CADPS2: variants seen among roughly 807,000 people sequenced by gnomAD.
The protein encoded by CADPS2 is calcium-dependent secretion activator 2.
CADPS2 carries 93 observed loss-of-function variants against 172.5 expected under a neutral mutation model. The observed-to-expected ratio is 0.54, with a 90% CI of 0.46 to 0.64. The LOEUF (loss-of-function observed/expected upper bound fraction) is 0.64, where lower values mean the gene tolerates loss of function less well. Among genes scored for constraint, CADPS2 ranks in the 30% least tolerant of loss-of-function variants. The pLI, the probability that CADPS2 is intolerant of heterozygous loss-of-function variation, is 0.00. For missense variants in CADPS2, 1,420 were observed against 1,565.9 expected, an observed-to-expected ratio of 0.91 and a Z score of 1.57; for synonymous variants, 546 against 555.2, an observed-to-expected ratio of 0.98 and a Z score of 0.23.
chr7:122,391,882 G>C (rs1346514185), intron 22 of CADPS2, among the ~76,000 whole-genome samples: 1 of 152,072 alleles, frequency 6.6e-6, no homozygotes, highest in Non-Finnish European at 1.5e-5. Flanking sequence ...ATAGGAGTGA[G>C]GAATTTGTAG....
At chr7:122,562,285 C>G (rs1007123883) in intron 7 of CADPS2, among the ~76,000 whole-genome samples, 5 of 151,992 alleles carry the variant, frequency 3.3e-5, no homozygotes, top group Non-Finnish European at 7.4e-5. Flanking sequence ...CAGGTGGGCC[C>G]AATACAATCA....
intron 25 of CADPS2, among the ~76,000 whole-genome samples, chr7:122,368,900 TTGA>T (rs1349891610): frequency 6.6e-6 from 1 of 152,040 alleles, no homozygotes; most frequent in Non-Finnish European, 1.5e-5. Context: ...CCCACTTTTT[TTGA>T]TGAGGAAAAT....
At chr7:122,702,706 T>A (rs745365874) in intron 2 of CADPS2, 5 of 1,612,182 alleles carry the variant, frequency 3.1e-6, no homozygotes, top group Admixed American at 3.4e-5. Flanking sequence ...AAAGTCCAGA[T>A]GAAACAGAAC....
At chr7:122,697,663 T>C in intron 2 of CADPS2, 1 of 759,402 alleles carries the variant, frequency 1.3e-6, no homozygotes. Flanking sequence ...GGACAAAGAA[T>C]GTATAAAATT....
chr7:122,610,416 T>C (rs1010099080), intron 6 of CADPS2, among the ~76,000 whole-genome samples: 3 of 147,224 alleles, frequency 2.0e-5, no homozygotes, highest in African/African-American at 7.4e-5. Context: ...TAAGATTCTG[T>C]AGAAACTACG....
chr7:122,559,507 A>T (rs1160984805), intron 7 of CADPS2, among the ~76,000 whole-genome samples: 2 of 152,174 alleles, frequency 1.3e-5, no homozygotes, highest in African/African-American at 4.8e-5. Flanking sequence ...GCGGTGGCTC[A>T]TGCCTGTAAT....
chr7:122,850,154 T>C (rs915129293), intron 1 of CADPS2: 9 of 1,148,850 alleles, frequency 7.8e-6, no homozygotes, highest in Non-Finnish European at 1.0e-5. Context: ...ACAGGGCGTA[T>C]CTGTGGCTTC....
At chr7:122,562,592 T>C (rs1231664037) in intron 7 of CADPS2, among the ~76,000 whole-genome samples, 5 of 152,160 alleles carry the variant, frequency 3.3e-5, no homozygotes, top group East Asian at 3.8e-4. Flanking sequence ...TCACTAAGTT[T>C]TTGGTAAACT....
intron 2 of CADPS2, chr7:122,702,859 T>C (rs2086390863): frequency 1.3e-6 from 1 of 760,348 alleles, no homozygotes; most frequent in Admixed American, 3.0e-5. Flanking sequence ...AGCACATAAA[T>C]GGAAAAGGTC....
rs558952334 is a variant in CADPS2, at chr7:122,765,038, C to T, written c.340-27970G>A. ...GTGCACTTTCTGAAACACATGGAGTCACACCCTGATTCACTCTCTCATGAA... is the reference window on the plus strand; with the variant it reads ...GTGCACTTTCTGAAACACATGGAGTTACACCCTGATTCACTCTCTCATGAA... On this transcript the variant is annotated intron_variant, in intron 1 of 29. Transcript: ENST00000449022. Among the ~76,000 whole-genome samples, 7 of 152,290 alleles carry T rather than the reference C, an allele frequency of 4.6e-5. No homozygotes were observed. The South Asian group carries it at 1.4e-3, about 32-fold the overall frequency.
intron 19 of CADPS2, chr7:122,413,096 C>T (rs1307350264): frequency 6.6e-6 from 1 of 152,324 alleles, no homozygotes; most frequent in African/African-American, 2.4e-5. Flanking sequence ...AGTTGCTCAA[C>T]TTTCTTGGGT....
chr7:122,545,431 C>G (rs1404618583), intron 8 of CADPS2, among the ~76,000 whole-genome samples: 1 of 152,058 alleles, frequency 6.6e-6, no homozygotes, highest in Non-Finnish European at 1.5e-5. Flanking sequence ...ATCCACTTGG[C>G]AAAGTTAGGA....
intron 29 of CADPS2, among the ~76,000 whole-genome samples, chr7:122,321,745 G>C (rs1447707369): frequency 1.3e-5 from 2 of 152,180 alleles, no homozygotes; most frequent in Non-Finnish European, 2.9e-5. Flanking sequence ...CTCCCAAAGT[G>C]CTGGCATTAC....
At chr7:122,724,377 T>C (rs2090857435) in intron 2 of CADPS2, among the ~76,000 whole-genome samples, 1 of 151,902 alleles carries the variant, frequency 6.6e-6, no homozygotes, top group Non-Finnish European at 1.5e-5. Flanking sequence ...GTGTCTAGTA[T>C]ATGTTCAGTG....
At chr7:122,659,326 A>AAAAAT (rs58040162) in intron 3 of CADPS2, among the ~76,000 whole-genome samples, 1 of 150,756 alleles carries the variant, frequency 6.6e-6, no homozygotes, top group Non-Finnish European at 1.5e-5. Context: ...AAAAAAAAAA[A>AAAAAT]CACCGTGGAA....
intron 6 of CADPS2, among the ~76,000 whole-genome samples, chr7:122,605,270 TAA>T (rs2133603783): frequency 6.6e-6 from 1 of 152,178 alleles, no homozygotes; most frequent in Admixed American, 6.6e-5. Context: ...ACAGACTTTA[TAA>T]AAACTGAACA....
intron 1 of CADPS2, among the ~76,000 whole-genome samples, chr7:122,740,160 A>G (rs930849837): frequency 2.6e-5 from 4 of 152,176 alleles, no homozygotes; most frequent in African/African-American, 9.6e-5. Flanking sequence ...CTACTTTGTA[A>G]AACAGGTTGA....
rs577684004 is a variant in CADPS2 at position 122,651,934 on chromosome 7, C to T, written c.786+11303G>A. ...TCTCTATAGTCCATAAGGTGCTTAC[C>T]TACCTCTGTTAATATCTCAAATACA... On this transcript the variant is annotated intron_variant, in intron 3 of 29. Transcript: ENST00000449022. Among the ~76,000 whole-genome samples, 8 of 152,180 alleles carry T rather than the reference C, an allele frequency of 5.3e-5. 2 individuals carry two copies. The highest frequency in any genetic ancestry group is 5.2e-4 in the Admixed American group (8 of 15,280).
chr7:122,460,434 C>T (rs28729738), intron 14 of CADPS2, among the ~76,000 whole-genome samples: 1,679 of 151,660 alleles, frequency 0.011, 31 homozygotes, highest in African/African-American at 0.039. Flanking sequence ...GCCTGAGACA[C>T]CTGCATAAAA....
Sources: allele counts gnomAD v4.1 joint callset (sites outside exome capture counted in the v4.1 genomes callset), GRCh38; gene constraint gnomAD v4.1.1; transcripts MANE v1.5; gene names NCBI Gene and HGNC (gene_info 2026-07-23, HGNC 2026-07-21).